GLRA3: variants seen among roughly 807,000 people sequenced by gnomAD.
GLRA3 encodes glycine receptor alpha 3, also known as glycine receptor subunit alpha-3.
GLRA3 carries 44 observed loss-of-function variants against 60.4 expected under a neutral mutation model. The ratio of observed to expected loss-of-function variants is 0.73; its 90% CI spans 0.57 to 0.94. The LOEUF (loss-of-function observed/expected upper bound fraction) is 0.94, where lower values mean the gene tolerates loss of function less well. Among genes scored for constraint, GLRA3 ranks in the 40% least tolerant of loss-of-function variants. GLRA3 has a pLI of 0.00. For synonymous variants in GLRA3, 223 were observed against 192.9 expected (o/e 1.16, Z -1.29); for missense variants, 508 against 564.6 (o/e 0.90, Z 1.02).
intron 5 of GLRA3, among the ~76,000 whole-genome samples, chr4:174,691,042 A>C (rs1028818635): frequency 6.6e-6 from 1 of 152,126 alleles, no homozygotes; most frequent in Non-Finnish European, 1.5e-5. Context: ...CCAGTAATAG[A>C]ATTGCTGGGT....
intron 5 of GLRA3, 36 bp downstream of exon 5, chr4:174,715,452 T>C: frequency 1.0e-6 from 1 of 962,554 alleles, no homozygotes; most frequent in South Asian, 1.4e-5. Context: ...TACTATAATG[T>C]AAAAGTATTT....
chr4:174,786,476 G>T (rs1173194679), intron 2 of GLRA3, among the ~76,000 whole-genome samples: 1 of 152,116 alleles, frequency 6.6e-6, no homozygotes, highest in Non-Finnish European at 1.5e-5. Context: ...CTTCTGTTAG[G>T]TATTGGATTC....
At chr4:174,825,764 A>T (rs1740939899) in intron 1 of GLRA3, among the ~76,000 whole-genome samples, 1 of 152,048 alleles carries the variant, frequency 6.6e-6, no homozygotes, top group African/African-American at 2.4e-5. Context: ...TATTTTGTAA[A>T]TTTTTTTCTG....
At chr4:174,674,402 A>G (rs962135265) in intron 7 of GLRA3, among the ~76,000 whole-genome samples, 1 of 152,208 alleles carries the variant, frequency 6.6e-6, no homozygotes, top group African/African-American at 2.4e-5. Context: ...AAAGAGTTCA[A>G]GTTTCAAGGA....
intron 7 of GLRA3, among the ~76,000 whole-genome samples, chr4:174,671,990 A>G (rs964841448): frequency 6.6e-6 from 1 of 152,164 alleles, no homozygotes; most frequent in African/African-American, 2.4e-5. Flanking sequence ...AGAGAAATTG[A>G]AAGGGAAAAA....
intron 1 of GLRA3, among the ~76,000 whole-genome samples, chr4:174,790,421 G>A (rs1166911513): frequency 6.6e-6 from 1 of 151,934 alleles, no homozygotes; most frequent in African/African-American, 2.4e-5. Flanking sequence ...TGACTCTAGA[G>A]CTTTATTCTA....
At chr4:174,818,890 G>T (rs13105754) in intron 1 of GLRA3, among the ~76,000 whole-genome samples, 39,726 of 152,022 alleles carry the variant, frequency 0.26, 5,850 homozygotes, top group Non-Finnish European at 0.33. Flanking sequence ...GTGGAAAATA[G>T]TTAATGCATA....
intron 1 of GLRA3, among the ~76,000 whole-genome samples, chr4:174,826,980 T>C (rs751836232): frequency 6.6e-6 from 1 of 151,522 alleles, no homozygotes; most frequent in African/African-American, 2.4e-5. Flanking sequence ...AGTGATAACC[T>C]ACTCTCATCT....
intron 4 of GLRA3, among the ~76,000 whole-genome samples, chr4:174,725,005 G>C (rs35058834): frequency 6.6e-6 from 1 of 152,306 alleles, no homozygotes; most frequent in Non-Finnish European, 1.5e-5. Context: ...GATTTATCTT[G>C]TTTGGGAACT....
At chr4:174,783,751 A>T (rs1738994727) in intron 2 of GLRA3, among the ~76,000 whole-genome samples, 1 of 150,960 alleles carries the variant, frequency 6.6e-6, no homozygotes, top group Admixed American at 6.6e-5. Flanking sequence ...AGAGAAATGC[A>T]AATCAAAACC....
chr4:174,758,181 T>G (rs1188763040), intron 3 of GLRA3, among the ~76,000 whole-genome samples: 5 of 152,054 alleles, frequency 3.3e-5, no homozygotes, highest in Non-Finnish European at 7.4e-5. Flanking sequence ...CAGCCTGAGG[T>G]ATTCCTTTAT....
intron 4 of GLRA3, among the ~76,000 whole-genome samples, chr4:174,727,885 G>A (rs1286551492): frequency 6.6e-6 from 1 of 151,836 alleles, no homozygotes; most frequent in African/African-American, 2.4e-5. Context: ...TGTGATTAAG[G>A]TTTTGTCATC....
At chr4:174,680,849 A>G (rs1734315325) in intron 6 of GLRA3, among the ~76,000 whole-genome samples, 1 of 152,196 alleles carries the variant, frequency 6.6e-6, no homozygotes, top group South Asian at 2.1e-4. Flanking sequence ...GTATTTTATA[A>G]ATGTGGTTCT....
intron 5 of GLRA3, among the ~76,000 whole-genome samples, chr4:174,693,534 A>T (rs545592493): frequency 6.6e-6 from 1 of 152,228 alleles, no homozygotes; most frequent in African/African-American, 2.4e-5. Context: ...TTTTTGTACC[A>T]GTACCCTGCT....
chr4:174,713,062 T>G (rs2111087642), intron 5 of GLRA3, among the ~76,000 whole-genome samples: 1 of 152,182 alleles, frequency 6.6e-6, no homozygotes, highest in Admixed American at 6.5e-5. Flanking sequence ...AGAACTTGAC[T>G]TCAGAAGCTT....
chr4:174,693,782 G>T (rs957889261), intron 5 of GLRA3, among the ~76,000 whole-genome samples: 2 of 152,038 alleles, frequency 1.3e-5, no homozygotes, highest in Non-Finnish European at 2.9e-5. Context: ...CACTTAAAAG[G>T]CACAGAGTGG....
chr4:174,714,577 A>C (rs1313277927), intron 5 of GLRA3, among the ~76,000 whole-genome samples: 5 of 152,180 alleles, frequency 3.3e-5, no homozygotes, highest in African/African-American at 1.2e-4. Context: ...GTTGCCCCAC[A>C]AAGTTGGTCT....
rs777809337 is a variant in GLRA3 at position 174,642,705 on chromosome 4, C to T, written c.*1081G>A. 2.8e-6 allele frequency: 2 copies of T among 723,766 alleles called. No individual in the cohort carries two copies. The highest frequency in any genetic ancestry group is 3.4e-6 in the Non-Finnish European group (2 of 591,516). The allele number at this position is 723,766 out of a possible 1,614,324, so 44.8% of individuals were successfully genotyped here. On this transcript the variant is annotated 3_prime_UTR_variant, in exon 10 of 10. Transcript: ENST00000274093. ...AAGAGTCCTCACTTTATAGAAATGACTTACTTATATCATTTAAAATTAAAA... is the reference window on the plus strand; with the variant it reads ...AAGAGTCCTCACTTTATAGAAATGATTTACTTATATCATTTAAAATTAAAA...
chr4:174,728,160 A>G (rs1189272362), intron 4 of GLRA3, among the ~76,000 whole-genome samples: 1 of 152,232 alleles, frequency 6.6e-6, no homozygotes, highest in African/African-American at 2.4e-5. Context: ...ACATAAAAGT[A>G]TTATCACAAT....
Sources: allele counts gnomAD v4.1 joint callset (sites outside exome capture counted in the v4.1 genomes callset), GRCh38; gene constraint gnomAD v4.1.1; transcripts MANE v1.5; gene names NCBI Gene and HGNC (gene_info 2026-07-23, HGNC 2026-07-21).